KIAA1217: variants seen among roughly 807,000 people sequenced by gnomAD.
The protein encoded by KIAA1217 is KIAA1217.
Under a neutral mutation model 163.9 loss-of-function variants are expected in KIAA1217, and 88 were observed. The observed-to-expected ratio is 0.54, with a 90% CI of 0.45 to 0.64. The LOEUF (loss-of-function observed/expected upper bound fraction) is 0.64. KIAA1217 is among the 30% of genes least tolerant of loss of function. KIAA1217 has a pLI of 0.00. For missense variants in KIAA1217, 2,372 were observed against 2,475.0 expected, an observed-to-expected ratio of 0.96 and a Z score of 0.88; for synonymous variants, 903 against 923.1, an observed-to-expected ratio of 0.98 and a Z score of 0.39.
At chr10:24,001,165 G>A (rs143248585) in intron 1 of KIAA1217, among the ~76,000 whole-genome samples, 2 of 152,038 alleles carry the variant, frequency 1.3e-5, no homozygotes, top group African/African-American at 4.8e-5. Context: ...TAACTAATAT[G>A]GCTCATCTTA....
Position 24,513,240 on chromosome 10 carries a change from G to T in KIAA1217, c.2002-19G>T. 1.2e-6 allele frequency: 2 copies of T among 1,611,892 alleles called. No homozygotes were observed. Among genetic ancestry groups the T allele is most frequent in the South Asian group, 2.2e-5 (2 of 90,972 alleles). On this transcript the variant is annotated intron_variant, in intron 9 of 20. Transcript: ENST00000376454. ...CAGGCAGGCAGAGCCCACTGAGGTT[G>T]ATTTTTTTGTGTTCACAGCTGCAGA...
chr10:24,141,045 G>T (rs1229027408), intron 2 of KIAA1217, among the ~76,000 whole-genome samples: 4 of 151,964 alleles, frequency 2.6e-5, no homozygotes, highest in African/African-American at 7.3e-5. Context: ...AGTCTTCTGG[G>T]GTAGAAGACT....
chr10:23,934,621 A>ATTTTTTTTTTTTT (rs1417805516), intron 1 of KIAA1217, among the ~76,000 whole-genome samples: 1 of 61,738 alleles, frequency 1.6e-5, no homozygotes, highest in Non-Finnish European at 2.7e-5. Flanking sequence ...ATATATATAT[A>ATTTTTTTTTTTTT]TATATTTTTT....
intron 1 of KIAA1217, among the ~76,000 whole-genome samples, chr10:24,000,301 G>T (rs539748003): frequency 6.6e-6 from 1 of 152,144 alleles, no homozygotes; most frequent in Non-Finnish European, 1.5e-5. Flanking sequence ...ATCATGGGGG[G>T]CAGTTACCCT....
chr10:24,372,036 C>T (rs553889168), intron 2 of KIAA1217, among the ~76,000 whole-genome samples: 1 of 152,176 alleles, frequency 6.6e-6, no homozygotes, highest in African/African-American at 2.4e-5. Context: ...CAATAATAGA[C>T]ACTGGGGACT....
At position 24,542,543 on chromosome 10, in the gene KIAA1217, G is replaced by A. The variant is rs533065857; in HGVS notation, c.3535-150G>A. 8 of 1,471,794 alleles carry A rather than the reference G, an allele frequency of 5.4e-6. No individual in the cohort carries two copies. The East Asian group carries it at 1.7e-4, about 32-fold the overall frequency. The allele number at this position is 1,471,794 out of a possible 1,614,324, so 91.2% of individuals were successfully genotyped here. ...CAGTTGGAGAACAAAGCAATCCAAG[G>A]TAAACAGCTGTAGGCTTTGGATTGG... is the stretch of plus-strand genomic sequence containing the variant. On this transcript the variant is annotated intron_variant, in intron 17 of 20. Coordinates refer to ENST00000376454, the MANE Select transcript of KIAA1217 (RefSeq NM_019590.5).
chr10:24,064,327 A>G (rs968555862), intron 2 of KIAA1217, among the ~76,000 whole-genome samples: 6 of 152,108 alleles, frequency 3.9e-5, no homozygotes, highest in Non-Finnish European at 8.8e-5. Context: ...TCAATACCTA[A>G]TTTATTGAGA....
chr10:24,182,572 G>C lies in KIAA1217; in HGVS notation c.-170-37054G>C, dbSNP rs115320575. ...TTGAGTCAATGAGTCTCTTTGCATGGATTGTATTTATGTTGGTCCTTTGGT... is the reference window on the plus strand; with the variant it reads ...TTGAGTCAATGAGTCTCTTTGCATGCATTGTATTTATGTTGGTCCTTTGGT... On this transcript the variant is annotated intron_variant, in intron 2 of 18. Transcript: ENST00000376462. Among the ~76,000 whole-genome samples, 571 of 152,222 alleles carry C rather than the reference G, an allele frequency of 3.8e-3. 3 individuals carry two copies. Among genetic ancestry groups the C allele is most frequent in the African/African-American group, 0.013 (555 of 41,534 alleles).
intron 1 of KIAA1217, among the ~76,000 whole-genome samples, chr10:23,716,207 G>T (rs1432494105): frequency 1.3e-5 from 2 of 152,058 alleles, no homozygotes; most frequent in East Asian, 3.8e-4. Flanking sequence ...TATGCTTAGG[G>T]CATCTGGAAA....
At chr10:23,982,896 A>G (rs1845831013) in intron 1 of KIAA1217, among the ~76,000 whole-genome samples, 1 of 151,862 alleles carries the variant, frequency 6.6e-6, no homozygotes, top group South Asian at 2.1e-4. Context: ...CAACTCAAAT[A>G]TCTCAGGACT....
In KIAA1217 at chr10:24,150,474, C is replaced by A. The variant is rs371917606; in HGVS notation, c.-170-69152C>A. Among the ~76,000 whole-genome samples, 4 of 152,224 alleles carry A rather than the reference C, an allele frequency of 2.6e-5. No individual in the cohort carries two copies. The South Asian group carries it at 8.3e-4, about 32-fold the overall frequency. Reference sequence around the variant, plus strand: ...GAGTATGGGCCAGACCAGAGAAGGTCTGCAGGAGCAGAAGGGTTTGTTTTG... The same window carrying A: ...GAGTATGGGCCAGACCAGAGAAGGTATGCAGGAGCAGAAGGGTTTGTTTTG... On this transcript the variant is annotated intron_variant, in intron 2 of 18. Transcript: ENST00000376462.
At chr10:24,432,169 G>A (rs1591876854) in intron 3 of KIAA1217, among the ~76,000 whole-genome samples, 1 of 143,720 alleles carries the variant, frequency 7.0e-6, no homozygotes, top group East Asian at 2.0e-4. Context: ...TATCGCCCAG[G>A]CTGGAGTGCA....
intron 2 of KIAA1217, among the ~76,000 whole-genome samples, chr10:24,169,294 T>A (rs2065504515): frequency 6.6e-6 from 1 of 152,234 alleles, no homozygotes; most frequent in Non-Finnish European, 1.5e-5. Context: ...GTTTGGCCCA[T>A]GCCCGTTCTT....
chr10:24,044,587 C>A lies in KIAA1217; in HGVS notation c.-171+37213C>A, dbSNP rs186331138. Reference sequence around the variant, plus strand: ...CTTCCTTTCACCTCTTTTCCATGCTCCCCTCTCTGCTTCTTAAATTTTCTC... The same window carrying A: ...CTTCCTTTCACCTCTTTTCCATGCTACCCTCTCTGCTTCTTAAATTTTCTC... On this transcript the variant is annotated intron_variant, in intron 2 of 18. Transcript: ENST00000376462. Among the ~76,000 whole-genome samples, 617 of 152,014 alleles carry A rather than the reference C, an allele frequency of 4.1e-3. 3 individuals are homozygous for A. Among genetic ancestry groups the A allele is most frequent in the African/African-American group, 0.014 (589 of 41,498 alleles).
At chr10:24,524,883 T>G (rs2134721417) in intron 13 of KIAA1217, 119 bp downstream of exon 13, 1 of 979,582 alleles carries the variant, frequency 1.0e-6, no homozygotes, top group East Asian at 2.6e-5. Flanking sequence ...AGACAGGGTT[T>G]TGGAAGTGGA....
chr10:24,235,720 C>T (rs1192559031), intron 2 of KIAA1217, among the ~76,000 whole-genome samples: 4 of 152,102 alleles, frequency 2.6e-5, no homozygotes, highest in African/African-American at 9.7e-5. Context: ...ACTGCTTCTC[C>T]AAGGCTGCTG....
At position 23,790,592 on chromosome 10, in the gene KIAA1217, T is replaced by C. The variant is rs145166144; in HGVS notation, c.-321+95358T>C. ...ATATATACATATGTATATGTACATA[T>C]ATACATGTACATATATACATATGTA... is the stretch of plus-strand genomic sequence containing the variant. On this transcript the variant is annotated intron_variant, in intron 1 of 18. Transcript: ENST00000376462. Among the ~76,000 whole-genome samples, 26 of 127,164 alleles carry C rather than the reference T, an allele frequency of 2.0e-4. 2 individuals are homozygous for C. Among genetic ancestry groups the C allele is most frequent in the African/African-American group, 8.6e-4 (26 of 30,278 alleles). The allele number at this position is 127,164 out of a possible 152,430, so 83.4% of individuals were successfully genotyped here.
intron 1 of KIAA1217, among the ~76,000 whole-genome samples, chr10:23,901,838 G>A (rs1027112309): frequency 6.6e-6 from 1 of 150,984 alleles, no homozygotes; most frequent in African/African-American, 2.4e-5. Context: ...TTGAACCTGG[G>A]AGGTGGAGAT....
intron 1 of KIAA1217, among the ~76,000 whole-genome samples, chr10:23,746,768 T>C (rs1436559687): frequency 1.3e-5 from 2 of 152,024 alleles, no homozygotes; most frequent in Non-Finnish European, 2.9e-5. Flanking sequence ...ACATTCTAGA[T>C]AGAAGTTTGG....
Sources: gnomAD v4.1 joint callset for allele counts (sites outside exome capture counted in the v4.1 genomes callset) on GRCh38, gnomAD v4.1.1 for gene constraint, MANE v1.5 for transcripts, NCBI Gene and HGNC (gene_info 2026-07-23, HGNC 2026-07-21) for gene names.